Variants in LHPP observed in about 807,000 individuals in gnomAD.
The protein encoded by LHPP is hLHPP.
A neutral mutation model predicts 30.3 loss-of-function variants in LHPP; 24 were observed. The observed-to-expected ratio is 0.79, with a 90% CI of 0.57 to 1.11. The LOEUF (loss-of-function observed/expected upper bound fraction) is 1.11. Among genes scored for constraint, LHPP ranks in the 50% most tolerant of loss-of-function variants. The probability of loss-of-function intolerance (pLI) is 0.00; values close to 1 mark genes in which losing one functional copy is unlikely to be tolerated. For synonymous variants in LHPP, 150 were observed against 157.1 expected, an observed-to-expected ratio of 0.95 and a Z score of 0.34; for missense variants, 356 against 367.2, an observed-to-expected ratio of 0.97 and a Z score of 0.25.
chr10:124,600,776 G>A (rs1317465446), intron 6 of LHPP, among the ~76,000 whole-genome samples: 1 of 152,232 alleles, frequency 6.6e-6, no homozygotes, highest in Admixed American at 6.5e-5. Context: ...TAGGAGGGCC[G>A]AGGCTCACAG....
In LHPP at chr10:124,523,031, C is replaced by T. The variant is rs1954647242; in HGVS notation, c.716+5760C>T. Among the ~76,000 whole-genome samples, 1 of 152,194 alleles carries T rather than the reference C, an allele frequency of 6.6e-6. No individual in the cohort carries two copies. Among genetic ancestry groups the T allele is most frequent in the African/African-American group, 2.4e-5 (1 of 41,454 alleles). On this transcript the variant is annotated intron_variant, in intron 6 of 6. Transcript: ENST00000368842. The surrounding 1 kb of genome is among the most constrained non-coding windows in gnomAD (Gnocchi z 4.2). The stretch of plus-strand genomic sequence containing the variant: ...CACCCCATCACTCTGTTCGCTGTTC[C>T]ACGCCACACCCTGCAGCCACCACCC...
At chr10:124,504,618 A>G (rs1954009050) in intron 5 of LHPP, among the ~76,000 whole-genome samples, 2 of 149,254 alleles carry the variant, frequency 1.3e-5, no homozygotes, top group Admixed American at 1.3e-4. Context: ...AAAAATAGGA[A>G]AGCAAGAAGG....
In LHPP at chr10:124,478,055, C is replaced by G. The variant is rs1022468677; in HGVS notation, c.126-6084C>G. ...CCCCCAGGTGCTGATCTTGGCTCCACTGTGGTTGGGCACCAGGCATGGCAG... is the reference window on the plus strand; with the variant it reads ...CCCCCAGGTGCTGATCTTGGCTCCAGTGTGGTTGGGCACCAGGCATGGCAG... On this transcript the variant is annotated intron_variant, in intron 1 of 6. Coordinates refer to ENST00000368842, the MANE Select transcript of LHPP (RefSeq NM_022126.4). The surrounding 1 kb of genome is among the most constrained non-coding windows in gnomAD (Gnocchi z 4.7). 3.4e-4 allele frequency among the ~76,000 whole-genome samples: 52 copies of G among 152,174 alleles called. No individual in the cohort carries two copies. Among genetic ancestry groups the G allele is most frequent in the South Asian group, 2.1e-4 (1 of 4,836 alleles).
intron 6 of LHPP, among the ~76,000 whole-genome samples, chr10:124,521,397 CA>C (rs1373806563): frequency 2.0e-5 from 3 of 152,246 alleles, no homozygotes; most frequent in Admixed American, 2.0e-4. Flanking sequence ...GTGAGCCCCC[CA>C]GGGGCAGCAG....
At chr10:124,462,094 C>A in intron 1 of LHPP, 107 bp downstream of exon 1, 1 of 1,039,164 alleles carries the variant, frequency 9.6e-7, no homozygotes, top group Non-Finnish European at 1.2e-6. Context: ...GCGGCGCAGG[C>A]CCCGCCTCGG....
chr10:124,514,697 C>T (rs185567266), intron 5 of LHPP, among the ~76,000 whole-genome samples: 1 of 151,728 alleles, frequency 6.6e-6, no homozygotes, highest in Admixed American at 6.6e-5. Flanking sequence ...GTTTGGTGTT[C>T]ATTGGGATCT....
At chr10:124,529,710 A>G (rs1232171246) in intron 6 of LHPP, among the ~76,000 whole-genome samples, 9 of 152,114 alleles carry the variant, frequency 5.9e-5, no homozygotes, top group African/African-American at 1.7e-4. Context: ...ACTCTGTCCC[A>G]GCATCCCCTC....
At chr10:124,490,358 C>T (rs1470817681) in intron 3 of LHPP, 1 of 294,252 alleles carries the variant, frequency 3.4e-6, no homozygotes, top group Non-Finnish European at 7.2e-6. Flanking sequence ...GATTCTGGAT[C>T]CCCATGTGGG....
At chr10:124,589,756 C>T (rs11245305) in intron 6 of LHPP, among the ~76,000 whole-genome samples, 3 of 152,250 alleles carry the variant, frequency 2.0e-5, no homozygotes, top group African/African-American at 7.2e-5. Context: ...TCCCGCATCT[C>T]TGGGGGTGAG....
intron 5 of LHPP, among the ~76,000 whole-genome samples, chr10:124,502,442 G>A (rs1238519710): frequency 6.6e-6 from 1 of 151,470 alleles, no homozygotes; most frequent in Non-Finnish European, 1.5e-5. Flanking sequence ...TCAGCTCACT[G>A]CAAGCTCCGC....
At chr10:124,566,210 G>A (rs1172574371) in intron 6 of LHPP, among the ~76,000 whole-genome samples, 1 of 152,238 alleles carries the variant, frequency 6.6e-6, no homozygotes, top group African/African-American at 2.4e-5. Context: ...CGGGCGTGTG[G>A]TTATGGGCTC....
chr10:124,541,922 G>A lies in LHPP; in HGVS notation c.716+24651G>A, dbSNP rs896136198. On this transcript the variant is annotated intron_variant, in intron 6 of 6. Transcript: ENST00000368842. The surrounding 1 kb of genome is among the most constrained non-coding windows in gnomAD (Gnocchi z 4.2). ...CCTACCTGGGGAGATGCTGACATCT[G>A]GTCATTCGCAGAGTGCCCTGTGCCC... Among the ~76,000 whole-genome samples the A allele has an allele frequency of 1.3e-5, 2 of 152,054 alleles. No homozygotes were observed. Among genetic ancestry groups the A allele is most frequent in the African/African-American group, 4.8e-5 (2 of 41,388 alleles).
rs1954264531 is a variant in LHPP, at chr10:124,510,221, C to T, written c.625-6959C>T. ...CACCTCCTGACCTCTATCTTCTTGC[C>T]AGTGATTTTTTAAATCCTAAATGAT... On this transcript the variant is annotated intron_variant, in intron 5 of 6. Transcript: ENST00000368842. This position sits in a 1 kb window ranked among gnomAD's most constrained non-coding sequence, Gnocchi z 4.0. 6.6e-6 allele frequency among the ~76,000 whole-genome samples: 1 copy of T among 152,224 alleles called. No individual in the cohort carries two copies. Among genetic ancestry groups the T allele is most frequent in the Non-Finnish European group, 1.5e-5 (1 of 68,046 alleles).
chr10:124,608,783 A>G (rs1005808479), intron 6 of LHPP, among the ~76,000 whole-genome samples: 1 of 152,216 alleles, frequency 6.6e-6, no homozygotes, highest in Non-Finnish European at 1.5e-5. Context: ...GAAGCCTGTC[A>G]TCTGTCCTCC....
At chr10:124,500,394 C>T (rs1405349413) in intron 5 of LHPP, among the ~76,000 whole-genome samples, 1 of 151,930 alleles carries the variant, frequency 6.6e-6, no homozygotes, top group Non-Finnish European at 1.5e-5. Context: ...ATTGCTTGAG[C>T]CCAGGAGGTG....
At chr10:124,568,112 C>T (rs954729537) in intron 6 of LHPP, among the ~76,000 whole-genome samples, 13 of 152,152 alleles carry the variant, frequency 8.5e-5, no homozygotes, top group African/African-American at 3.1e-4. Context: ...GACGGGGTTT[C>T]ACCGTGTTGG....
chr10:124,600,668 C>T (rs1949009401), intron 6 of LHPP, among the ~76,000 whole-genome samples: 1 of 152,170 alleles, frequency 6.6e-6, no homozygotes, highest in South Asian at 2.1e-4. Flanking sequence ...GGAGGGTGAG[C>T]TCAGGCCAGG....
intron 5 of LHPP, among the ~76,000 whole-genome samples, chr10:124,514,755 C>T (rs528691324): frequency 1.9e-4 from 29 of 150,212 alleles, no homozygotes; most frequent in African/African-American, 7.1e-4. Flanking sequence ...AAGTTTCAGT[C>T]ACTATTTCTT....
chr10:124,557,838 G>C (rs2133967336), intron 6 of LHPP, among the ~76,000 whole-genome samples: 1 of 152,254 alleles, frequency 6.6e-6, no homozygotes, highest in East Asian at 1.9e-4. Flanking sequence ...CCACCTGGGG[G>C]TCTTGGGCTG....
Sources: allele counts gnomAD v4.1 joint callset (sites outside exome capture counted in the v4.1 genomes callset), GRCh38; gene constraint gnomAD v4.1.1; non-coding constraint Gnocchi (gnomAD v3.1); transcripts MANE v1.5; gene names NCBI Gene and HGNC (gene_info 2026-07-23, HGNC 2026-07-21).